STS: variants seen among roughly 807,000 people sequenced by gnomAD.
The protein encoded by STS is steroid sulfatase, also known as steryl-sulfatase.
Under a neutral mutation model 26.8 loss-of-function variants are expected in STS, and 7 were observed. The ratio of observed to expected loss-of-function variants is 0.26; its 90% confidence interval spans 0.15 to 0.49. The LOEUF is 0.49. Among genes scored for constraint, STS ranks in the 20% least tolerant of loss-of-function variants. The pLI is 0.98. For missense variants in STS, 434 were observed against 465.6 expected (o/e 0.93, Z 0.63); for synonymous variants, 199 against 189.4 (o/e 1.05, Z -0.42).
At chrX:7,197,210 A>G (rs1192465071) in intron 2 of STS, among the ~76,000 whole-genome samples, 1 of 111,812 alleles carries the variant, frequency 8.9e-6, no homozygotes, top group African/African-American at 3.3e-5. Flanking sequence ...TTGCATTTGC[A>G]GTTTCATACT....
chrX:7,316,547 A>G (rs913457326), intron 8 of STS, among the ~76,000 whole-genome samples: 3 of 112,151 alleles, frequency 2.7e-5, no homozygotes, highest in Admixed American at 9.5e-5. Flanking sequence ...CCAACCCTTG[A>G]CTTAGATTCC....
chrX:7,195,183 G>A (rs1487981997), intron 2 of STS, among the ~76,000 whole-genome samples: 1 of 111,935 alleles, frequency 8.9e-6, no homozygotes, highest in African/African-American at 3.3e-5. Flanking sequence ...GTAGTATTCA[G>A]CACGTGGGAG....
chrX:7,217,690 A>G (rs1921366135), intron 2 of STS, among the ~76,000 whole-genome samples: 1 of 111,120 alleles, frequency 9.0e-6, no homozygotes, highest in African/African-American at 3.3e-5. Context: ...AGAGAGAAAA[A>G]TATTTTTCAA....
At chrX:7,319,955 T>TTA (rs1379799263) in intron 8 of STS, among the ~76,000 whole-genome samples, 1 of 94,458 alleles carries the variant, frequency 1.1e-5, no homozygotes, top group South Asian at 4.3e-4. Context: ...ATATGTATAT[T>TTA]TATATATATA....
chrX:7,311,152 A>G (rs1490258349), intron 8 of STS, among the ~76,000 whole-genome samples: 1 of 107,514 alleles, frequency 9.3e-6, no homozygotes, highest in Admixed American at 1.0e-4. Context: ...AGCTGTATCA[A>G]TTTTCCATCT....
chrX:7,323,583 C>A (rs1033855909), intron 8 of STS, among the ~76,000 whole-genome samples: 1 of 111,836 alleles, frequency 8.9e-6, no homozygotes, highest in East Asian at 2.8e-4. Flanking sequence ...TGTAGTATTC[C>A]ATGATGTATA....
At chrX:7,307,222 T>C (rs945706453) in intron 8 of STS, among the ~76,000 whole-genome samples, 17 of 111,652 alleles carry the variant, frequency 1.5e-4, no homozygotes, top group Admixed American at 9.5e-4. Flanking sequence ...AATGAACCGG[T>C]GTGTTTAATC....
At chrX:7,227,541 T>C (rs1465195856) in intron 2 of STS, among the ~76,000 whole-genome samples, 1 of 109,996 alleles carries the variant, frequency 9.1e-6, no homozygotes, top group African/African-American at 3.3e-5. Flanking sequence ...CATGGATATT[T>C]GTATTATTAA....
chrX:7,287,467 C>T (rs908024866), intron 7 of STS, among the ~76,000 whole-genome samples: 1 of 110,869 alleles, frequency 9.0e-6, no homozygotes, highest in Non-Finnish European at 1.9e-5. Context: ...GCCAGTATGA[C>T]ATATTAATAT....
intron 10 of STS, 57 bp from the exon 11 acceptor site, chrX:7,349,831 G>A: frequency 8.3e-7 from 1 of 1,204,325 alleles, no homozygotes; most frequent in Non-Finnish European, 1.1e-6. Flanking sequence ...TTTTTCATTT[G>A]TGGTACATAC....
At chrX:7,249,952 G>T (rs1244755815) in intron 2 of STS, among the ~76,000 whole-genome samples, 4 of 110,911 alleles carry the variant, frequency 3.6e-5, no homozygotes, top group African/African-American at 1.3e-4. Context: ...TAATTAGAGA[G>T]AGTCTCACTC....
intron 2 of STS, among the ~76,000 whole-genome samples, chrX:7,213,650 G>A (rs903639861): frequency 2.7e-5 from 3 of 111,735 alleles, no homozygotes; most frequent in African/African-American, 9.8e-5. Flanking sequence ...TTTCCTTCGT[G>A]TGTAAAAACT....
At chrX:7,321,657 A>G (rs1221174465) in intron 8 of STS, among the ~76,000 whole-genome samples, 4 of 112,311 alleles carry the variant, frequency 3.6e-5, no homozygotes, top group Non-Finnish European at 7.5e-5. Context: ...GTTGACTCAC[A>G]CATGATATTC....
intron 2 of STS, among the ~76,000 whole-genome samples, chrX:7,215,340 C>T (rs1359936169): frequency 9.1e-6 from 1 of 109,330 alleles, no homozygotes; most frequent in South Asian, 3.9e-4. Context: ...GCAGACAAAC[C>T]AGGGTTCCAT....
chrX:7,229,735 T>C (rs1921975210), intron 2 of STS, among the ~76,000 whole-genome samples: 1 of 111,277 alleles, frequency 9.0e-6, no homozygotes, highest in Non-Finnish European at 1.9e-5. Context: ...CGTTAAAAAC[T>C]CCTTTCAGGG....
chrX:7,203,344 C>A (rs1435650446), intron 2 of STS, among the ~76,000 whole-genome samples: 1 of 92,339 alleles, frequency 1.1e-5, no homozygotes, highest in Admixed American at 1.1e-4. Flanking sequence ...AAACAAATTT[C>A]TCTAAAAAAA....
chrX:7,321,173 C>T (rs1480912279), intron 8 of STS, among the ~76,000 whole-genome samples: 2 of 111,584 alleles, frequency 1.8e-5, no homozygotes, highest in African/African-American at 6.5e-5. Flanking sequence ...AATGCACGAA[C>T]CTAAAACCAA....
At chrX:7,204,991 C>T (rs771451043) in intron 2 of STS, among the ~76,000 whole-genome samples, 1 of 111,652 alleles carries the variant, frequency 9.0e-6, no homozygotes. Flanking sequence ...TGCTGACCTG[C>T]TTTGTGGCCC....
At chrX:7,188,947 A>G in intron 1 of STS, among the ~76,000 whole-genome samples, 1 of 110,874 alleles carries the variant, frequency 9.0e-6, no homozygotes, top group Non-Finnish European at 1.9e-5. Flanking sequence ...ACACTATTCC[A>G]TTTCAACAAG....
Sources: allele counts gnomAD v4.1 joint callset (sites outside exome capture counted in the v4.1 genomes callset), GRCh38; gene constraint gnomAD v4.1.1; transcripts MANE v1.5; gene names NCBI Gene and HGNC (gene_info 2026-07-23, HGNC 2026-07-21).